Variants in FAM228B observed in about 807,000 individuals in gnomAD.
FAM228B encodes the protein protein FAM228B.
Under a neutral mutation model 42.6 loss-of-function variants are expected in FAM228B, and 38 were observed. The observed-to-expected ratio is 0.89, with a 90% confidence interval of 0.69 to 1.17. The LOEUF is 1.17. FAM228B is among the 50% of genes most tolerant of loss of function. The probability of loss-of-function intolerance (pLI) is 0.00; values close to 1 mark genes in which losing one functional copy is unlikely to be tolerated. For synonymous variants in FAM228B, 109 were observed against 122.3 expected, an observed-to-expected ratio of 0.89 and a Z score of 0.72; for missense variants, 344 against 367.3, an observed-to-expected ratio of 0.94 and a Z score of 0.52.
chr2:24,153,658 G>C (rs921090308), intron 7 of FAM228B, among the ~76,000 whole-genome samples: 8 of 152,200 alleles, frequency 5.3e-5, no homozygotes, highest in African/African-American at 1.9e-4. Context: ...GCACTGCCTG[G>C]GGTTGGGAGA....
At position 24,084,360 on chromosome 2, in the gene FAM228B, A is replaced by ACAGGACAGGGCAGGGCAGGG. The variant is rs745536196; in HGVS notation, c.-210+3415_-210+3434dup. Reference sequence around the variant, plus strand: ...AGGACACAGGGCAGGGCAGGGCAGGACAGGACAGGGCAGGGCAGGGCAGGA... The same window carrying ACAGGACAGGGCAGGGCAGGG: ...AGGACACAGGGCAGGGCAGGGCAGGACAGGACAGGGCAGGGCAGGGCAGGACAGGGCAGGGCAGGGCAGGA... On this transcript the variant is annotated intron_variant, in intron 2 of 10. Coordinates refer to the FAM228B transcript ENST00000613899. The surrounding 1 kb of genome is among the most constrained non-coding windows in gnomAD (Gnocchi z 8.4). 1.8e-5 allele frequency: 25 copies of ACAGGACAGGGCAGGGCAGGG among 1,360,366 alleles called. No individual in the cohort carries two copies. The African/African-American group carries it at 2.8e-4, about 15-fold the overall frequency. The allele number at this position is 1,360,366 out of a possible 1,614,324, so 84.3% of individuals were successfully genotyped here.
At chr2:24,130,372 T>C (rs901855410) in intron 2 of FAM228B, among the ~76,000 whole-genome samples, 7 of 152,234 alleles carry the variant, frequency 4.6e-5, no homozygotes, top group African/African-American at 1.7e-4. Context: ...TCTAATATCC[T>C]TGAGGAATCG....
chr2:24,121,001 T>C (rs1573752937), upstream of FAM228B, among the ~76,000 whole-genome samples: 1 of 118,678 alleles, frequency 8.4e-6, no homozygotes, highest in Admixed American at 7.6e-5. Context: ...GATAGGACTT[T>C]CTTTCACATA....
intron 2 of FAM228B, 88 bp downstream of exon 2, chr2:24,124,548 C>T (rs1666254564): frequency 1.4e-6 from 1 of 719,238 alleles, no homozygotes; most frequent in South Asian, 2.3e-5. Context: ...ATTGTTTTTT[C>T]TATTGTTTGT....
chr2:24,134,341 T>G (rs1312901199), intron 2 of FAM228B, among the ~76,000 whole-genome samples: 1 of 152,226 alleles, frequency 6.6e-6, no homozygotes, highest in African/African-American at 2.4e-5. Context: ...TAGTGACATT[T>G]CTTCTATGTA....
intron 2 of FAM228B, among the ~76,000 whole-genome samples, chr2:24,127,947 G>C (rs1453048942): frequency 6.6e-6 from 1 of 152,080 alleles, no homozygotes; most frequent in African/African-American, 2.4e-5. Flanking sequence ...ACGGGCATGA[G>C]TCACTGTGCC....
Position 24,084,395 on chromosome 2 carries a change from GCAGGGCAGGACAGGA to G in FAM228B, c.-210+3450_-210+3464del. 1 of 1,488,346 alleles carries G rather than the reference GCAGGGCAGGACAGGA, an allele frequency of 6.7e-7. No homozygotes were observed. The highest frequency in any genetic ancestry group is 9.1e-7 in the Non-Finnish European group (1 of 1,103,506). The allele number at this position is 1,488,346 out of a possible 1,614,324, so 92.2% of individuals were successfully genotyped here. On this transcript the variant is annotated intron_variant, in intron 2 of 10. Coordinates refer to the FAM228B transcript ENST00000613899. This position sits in a 1 kb window ranked among gnomAD's most constrained non-coding sequence, Gnocchi z 8.4. ...GCAGGGCAGGGCAGGACAGGACAGG[GCAGGGCAGGACAGGA>G]CAGGGCAGGGGCCGCTGTATCCTCG...
chr2:24,106,249 G>A (rs6748257), intron 3 of FAM228B, among the ~76,000 whole-genome samples: 17,930 of 151,284 alleles, frequency 0.12, 1,235 homozygotes, highest in South Asian at 0.18. Flanking sequence ...ACTCCATCAG[G>A]CTAACAGCAG....
In FAM228B at chr2:24,164,241, C is replaced by A. The variant is rs1294225903; in HGVS notation, c.838C>A (p.Gln280Lys). 6.4e-7 allele frequency: 1 copy of A among 1,551,268 alleles called. No individual in the cohort carries two copies. The highest frequency in any genetic ancestry group is 8.7e-7 in the Non-Finnish European group (1 of 1,146,722). ...SFLEREPLCY[Q>K]EGNNPSAKEA... ...TCTAGAAAGAGAACCGCTGTGCTAT[C>A]AGGAGGGAAATAATCCAAGTGCCAA... The change falls in exon 9 of 11, where the codon CAG (glutamine) becomes AAG (lysine). Residue 280 changes from glutamine (Q) to lysine (K), a missense_variant. Gln to Lys is a moderately conservative substitution (Grantham distance 53, BLOSUM62 1). Transcript: ENST00000615575.
chr2:24,122,918 G>A (rs1666167028), upstream of FAM228B: 1 of 162,910 alleles, frequency 6.1e-6, no homozygotes, highest in East Asian at 1.8e-4. Flanking sequence ...CAGCCAGGAT[G>A]GAGAGCTACC....
intron 3 of FAM228B, among the ~76,000 whole-genome samples, chr2:24,114,724 C>T (rs10865262): frequency 0.54 from 82,118 of 151,908 alleles, 22,718 homozygotes; most frequent in East Asian, 0.77. Flanking sequence ...AAAGATGCAT[C>T]ATGTTTAGCA....
intron 7 of FAM228B, 102 bp downstream of exon 7, chr2:24,147,188 TTTTC>T: frequency 1.2e-6 from 1 of 845,830 alleles, no homozygotes; most frequent in Non-Finnish European, 1.7e-6. Context: ...AAATTATCAT[TTTTC>T]TTTTTTTTTG....
At chr2:24,134,441 T>A (rs1031884271) in intron 2 of FAM228B, among the ~76,000 whole-genome samples, 2 of 152,252 alleles carry the variant, frequency 1.3e-5, no homozygotes, top group African/African-American at 4.8e-5. Context: ...GGAAGATTAG[T>A]ATGTCTTGCA....
chr2:24,112,597 G>T (rs764350507), intron 3 of FAM228B, among the ~76,000 whole-genome samples: 1 of 152,056 alleles, frequency 6.6e-6, no homozygotes, highest in East Asian at 1.9e-4. Context: ...CCACCATGCC[G>T]GGCCCAGAAA....
chr2:24,111,065 A>G (rs1573742854), intron 3 of FAM228B, among the ~76,000 whole-genome samples: 1 of 151,780 alleles, frequency 6.6e-6, no homozygotes, highest in South Asian at 2.1e-4. Context: ...TTCCTGGCTG[A>G]TCTTTTTTTT....
intron 2 of FAM228B, among the ~76,000 whole-genome samples, chr2:24,133,116 C>T (rs1666495764): frequency 6.6e-6 from 1 of 152,146 alleles, no homozygotes; most frequent in African/African-American, 2.4e-5. Flanking sequence ...TAGCCACCTC[C>T]TTTACCTCAG....
chr2:24,157,315 T>C (rs1403252939), intron 7 of FAM228B, among the ~76,000 whole-genome samples: 1 of 152,224 alleles, frequency 6.6e-6, no homozygotes, highest in Non-Finnish European at 1.5e-5. Flanking sequence ...TAACATGTGC[T>C]AATTTTGTTT....
At chr2:24,117,344 G>A (rs1472927585) in intron 3 of FAM228B, among the ~76,000 whole-genome samples, 1 of 151,796 alleles carries the variant, frequency 6.6e-6, no homozygotes, top group Non-Finnish European at 1.5e-5. Context: ...AAGTAGCATA[G>A]CATCCTTTTC....
At position 24,080,321 on chromosome 2, in the gene FAM228B, C is replaced by T. The variant is rs549129854; in HGVS notation, c.-289-555C>T. 9.2e-5 allele frequency among the ~76,000 whole-genome samples: 14 copies of T among 151,466 alleles called. No individual in the cohort carries two copies. The highest frequency in any genetic ancestry group is 8.5e-4 in the Admixed American group (13 of 15,206). On this transcript the variant is annotated intron_variant, in intron 1 of 10. Transcript: ENST00000613899. The surrounding 1 kb of genome is among the most constrained non-coding windows in gnomAD (Gnocchi z 4.7). Reference sequence around the variant, plus strand: ...AGCGAGCCGAGATCAAGCCACTGCACGCCATCCTCAGTGACAGAGTGAGAC... The same window carrying T: ...AGCGAGCCGAGATCAAGCCACTGCATGCCATCCTCAGTGACAGAGTGAGAC...
Sources: gnomAD v4.1 joint callset for allele counts (sites outside exome capture counted in the v4.1 genomes callset) on GRCh38, gnomAD v4.1.1 for gene constraint, Gnocchi (gnomAD v3.1) non-coding constraint, MANE v1.5 for transcripts, NCBI Gene and HGNC (gene_info 2026-07-23, HGNC 2026-07-21) for gene names.